Variants in CDH8 observed in about 807,000 individuals in gnomAD.
The protein encoded by CDH8 is cadherin-8.
Under a neutral mutation model 68.1 loss-of-function variants are expected in CDH8, and 17 were observed. The observed-to-expected ratio is 0.25, with a 90% CI of 0.17 to 0.37. CDH8 has a LOEUF of 0.37. CDH8 is among the 10% of genes least tolerant of loss of function. The pLI is 1.00. For missense variants in CDH8, 763 were observed against 999.3 expected (o/e 0.76, Z 3.19); for synonymous variants, 372 against 365.1 (o/e 1.02, Z -0.21).
intron 1 of CDH8, among the ~76,000 whole-genome samples, chr16:62,028,061 A>ATTTTTTT (rs768513131): frequency 3.5e-5 from 4 of 115,840 alleles, no homozygotes; most frequent in Middle Eastern, 5.0e-3. Flanking sequence ...TGTCAAATCC[A>ATTTTTTT]TTTTTTTTTT....
chr16:61,710,162 A>T lies in CDH8; in HGVS notation c.1654+3679T>A, dbSNP rs72796886. Among the ~76,000 whole-genome samples the T allele has an allele frequency of 6.4e-3, 972 of 152,222 alleles. 4 individuals carry two copies. Among genetic ancestry groups the T allele is most frequent in the Non-Finnish European group, 0.011 (758 of 67,984 alleles). On this transcript the variant is annotated intron_variant, in intron 10 of 11. Coordinates refer to ENST00000577390, the MANE Select transcript of CDH8 (RefSeq NM_001796.5). ...TTGATGTCTAAGTCCTAGTTCACAC[A>T]TATCCATCACAGCACAACTATGAGA...
intron 8 of CDH8, among the ~76,000 whole-genome samples, chr16:61,755,288 C>T (rs551654804): frequency 4.8e-4 from 73 of 151,956 alleles, no homozygotes; most frequent in African/African-American, 1.5e-3. Context: ...AATTAACATA[C>T]GGAATAATCA....
intron 2 of CDH8, among the ~76,000 whole-genome samples, chr16:62,005,231 A>G (rs1230954969): frequency 6.6e-6 from 1 of 152,212 alleles, no homozygotes; most frequent in Admixed American, 6.5e-5. Flanking sequence ...ATCCAAGCCT[A>G]GCGAAGTATT....
At chr16:61,830,705 G>A (rs1441884974) in intron 4 of CDH8, among the ~76,000 whole-genome samples, 1 of 151,714 alleles carries the variant, frequency 6.6e-6, no homozygotes, top group African/African-American at 2.4e-5. Context: ...CATTACACCG[G>A]TGCGGCGACA....
intron 3 of CDH8, among the ~76,000 whole-genome samples, chr16:61,858,188 G>T (rs1433455314): frequency 6.6e-6 from 1 of 152,076 alleles, no homozygotes; most frequent in Non-Finnish European, 1.5e-5. Flanking sequence ...AAATTCAGCT[G>T]AATGCAGTAG....
chr16:62,028,878 G>A (rs1176420509), intron 1 of CDH8, among the ~76,000 whole-genome samples: 1 of 152,120 alleles, frequency 6.6e-6, no homozygotes, highest in Non-Finnish European at 1.5e-5. Flanking sequence ...TAGATCACAT[G>A]TTCAGAATTT....
chr16:61,831,623 G>T (rs550308886), intron 4 of CDH8, among the ~76,000 whole-genome samples: 2 of 151,766 alleles, frequency 1.3e-5, no homozygotes, highest in Admixed American at 6.6e-5. Flanking sequence ...TGTCTTTGGC[G>T]TTATCATTTG....
chr16:61,951,943 C>A (rs554755776), intron 2 of CDH8, among the ~76,000 whole-genome samples: 255 of 152,238 alleles, frequency 1.7e-3, no homozygotes, highest in African/African-American at 5.9e-3. Context: ...TGCTGGAATT[C>A]ATTCATTGTA....
intron 9 of CDH8, chr16:61,726,640 T>A (rs1027693532): frequency 9.2e-5 from 17 of 185,074 alleles, no homozygotes; most frequent in Non-Finnish European, 1.8e-4. Context: ...TATTTACAGA[T>A]TTCAATATTC....
chr16:61,725,017 T>TATGTCCAAAA (rs1959308609), intron 9 of CDH8: 1 of 150,894 alleles, frequency 6.6e-6, no homozygotes, highest in Non-Finnish European at 1.5e-5. Context: ...CAGTCAGCCA[T>TATGTCCAAAA]ATGTCCAAAA....
At chr16:61,654,548 C>G (rs1447585101) in intron 11 of CDH8, among the ~76,000 whole-genome samples, 1 of 152,104 alleles carries the variant, frequency 6.6e-6, no homozygotes, top group Non-Finnish European at 1.5e-5. Flanking sequence ...TTTCAAGGCA[C>G]TCTCCAATTA....
intron 9 of CDH8, among the ~76,000 whole-genome samples, chr16:61,722,415 T>TA (rs1351624343): frequency 1.3e-5 from 2 of 150,930 alleles, no homozygotes; most frequent in Non-Finnish European, 3.0e-5. Context: ...TAAATTATTT[T>TA]ATTCATTCTA....
intron 4 of CDH8, among the ~76,000 whole-genome samples, chr16:61,826,983 T>C (rs887822870): frequency 6.6e-6 from 1 of 151,876 alleles, no homozygotes; most frequent in Non-Finnish European, 1.5e-5. Flanking sequence ...GTCATACCTA[T>C]ATAGTTAGAA....
chr16:61,941,995 C>A (rs1325804812), intron 2 of CDH8, among the ~76,000 whole-genome samples: 2 of 152,178 alleles, frequency 1.3e-5, no homozygotes, highest in Admixed American at 1.3e-4. Context: ...CTCCTGACCC[C>A]TCTCTTCTCA....
At position 61,960,240 on chromosome 16, in the gene CDH8, TGTGTGTGTGTATACACATACATATATAC is replaced by T. The variant is rs1567546208; in HGVS notation, c.253-58795_253-58768del. On this transcript the variant is annotated intron_variant, in intron 2 of 11. Coordinates refer to ENST00000577390, the MANE Select transcript of CDH8 (RefSeq NM_001796.5). The stretch of plus-strand genomic sequence containing the variant: ...GTGTGTGTATACACACATATATACA[TGTGTGTGTGTATACACATACATATATAC>T]GTGTGTGTGTATACACACATATATA... 1.3e-4 allele frequency among the ~76,000 whole-genome samples: 5 copies of T among 38,118 alleles called. 1 individual carries two copies. Among genetic ancestry groups the T allele is most frequent in the East Asian group, 1.0e-3 (2 of 1,976 alleles). 25.0% of individuals were successfully genotyped at this position (38,118 alleles called of 152,430 possible). A position where few individuals can be genotyped will look rare whatever the true frequency, so the allele number is the denominator to read the frequency against.
At chr16:61,846,685 G>A (rs1443993222) in intron 4 of CDH8, among the ~76,000 whole-genome samples, 1 of 152,062 alleles carries the variant, frequency 6.6e-6, no homozygotes, top group Non-Finnish European at 1.5e-5. Context: ...TACATGAAAA[G>A]TAAGGACCAT....
intron 1 of CDH8, among the ~76,000 whole-genome samples, chr16:62,023,609 A>C (rs1807192103): frequency 6.6e-6 from 1 of 152,044 alleles, no homozygotes; most frequent in African/African-American, 2.4e-5. Context: ...TTGAGAAAAC[A>C]AAAAAAATGA....
chr16:61,941,688 C>A (rs1964727153), intron 2 of CDH8, among the ~76,000 whole-genome samples: 1 of 152,196 alleles, frequency 6.6e-6, no homozygotes, highest in Admixed American at 6.5e-5. Flanking sequence ...GTGATCCACC[C>A]CCCTTGCCCT....
chr16:61,838,898 A>C (rs1323622664), intron 4 of CDH8, among the ~76,000 whole-genome samples: 4 of 152,234 alleles, frequency 2.6e-5, no homozygotes, highest in Non-Finnish European at 4.4e-5. Context: ...GAAAAACACT[A>C]ATCTTTTGTC....
Sources: gnomAD v4.1 joint callset for allele counts (sites outside exome capture counted in the v4.1 genomes callset) on GRCh38, gnomAD v4.1.1 for gene constraint, MANE v1.5 for transcripts, NCBI Gene and HGNC (gene_info 2026-07-23, HGNC 2026-07-21) for gene names.